TLE3: variants seen among roughly 807,000 people sequenced by gnomAD.
The protein encoded by TLE3 is TLE family member 3, transcriptional corepressor, also known as transducin-like enhancer protein 3.
In TLE3, 14 loss-of-function variants were observed where a neutral mutation model predicts 93.0. The ratio of observed to expected loss-of-function variants is 0.15; its 90% CI spans 0.10 to 0.24. The LOEUF is 0.24. Among genes scored for constraint, TLE3 ranks in the 10% least tolerant of loss-of-function variants. The pLI, the probability that TLE3 is intolerant of heterozygous loss-of-function variation, is 1.00. For missense variants in TLE3, 693 were observed against 1,046.6 expected (o/e 0.66, Z 4.66); for synonymous variants, 451 against 425.0 (o/e 1.06, Z -0.75).
chr15:70,082,911 T>C (rs2057855744), intron 4 of TLE3, among the ~76,000 whole-genome samples: 1 of 152,164 alleles, frequency 6.6e-6, no homozygotes. Flanking sequence ...TTCTGCACAC[T>C]TCCCTGAAAG....
intron 2 of TLE3, 51 bp from the exon 3 acceptor site, chr15:70,095,692 C>T: frequency 6.5e-7 from 1 of 1,545,756 alleles, no homozygotes; most frequent in Non-Finnish European, 8.7e-7. Flanking sequence ...ACAGCCTCCT[C>T]TGAGGCCCCG....
At chr15:70,076,654 T>A (rs1187267791) in intron 4 of TLE3, among the ~76,000 whole-genome samples, 1 of 152,152 alleles carries the variant, frequency 6.6e-6, no homozygotes, top group Non-Finnish European at 1.5e-5. Flanking sequence ...AGCCTCTCCC[T>A]CACCAAGATC....
chr15:70,095,451 C>A (rs879736605), intron 3 of TLE3, 127 bp downstream of exon 3: 3 of 1,541,666 alleles, frequency 1.9e-6, no homozygotes, highest in Non-Finnish European at 2.6e-6. Flanking sequence ...CAGATTATGC[C>A]CTCTCTCAGG....
At chr15:70,069,293 G>A (rs1013590084) in intron 6 of TLE3, among the ~76,000 whole-genome samples, 6 of 152,170 alleles carry the variant, frequency 3.9e-5, no homozygotes, top group African/African-American at 9.7e-5. Flanking sequence ...CCAATTAGAC[G>A]CAGCTAGAAC....
Position 70,054,612 on chromosome 15 carries a change from C to G in TLE3, c.1652G>C (p.Ser551Thr). 3 of 1,612,288 alleles carry G rather than the reference C, an allele frequency of 1.9e-6. No homozygotes were observed. Among genetic ancestry groups the G allele is most frequent in the Non-Finnish European group, 2.5e-6 (3 of 1,179,016 alleles). The change falls in exon 16 of 20, where the codon AGC becomes ACC. Residue 551 changes from serine (S) to threonine (T), a missense_variant. This residue lies in a region of TLE3 where 153 missense variants were observed against 379.9 expected (regional missense o/e 0.40). Transcript: ENST00000451782. Reference protein sequence around the residue: ...GRTLIVGGEASTLTIWDLASP... With the variant: ...GRTLIVGGEATTLTIWDLASP... ...GGCCAGGTCCCAGATGGTGAGCGTG[C>G]TGGCCTCGCCGCCCACGATGAGCGT...
At position 70,049,815 on chromosome 15, in the gene TLE3, A is replaced by G; in HGVS notation, c.*282T>C. ...ATGAGCGGGTCTGTGGGGGAACCGG[A>G]GCCATAAGCCTCCAATAAATCTATT... On this transcript the variant is annotated 3_prime_UTR_variant, in exon 20 of 20. Coordinates refer to ENST00000451782, the MANE Select transcript of TLE3 (RefSeq NM_001105192.3). 3.0e-6 allele frequency: 1 copy of G among 334,826 alleles called. No individual in the cohort carries two copies. The highest frequency in any genetic ancestry group is 4.1e-5 in the South Asian group (1 of 24,502). 20.7% of individuals were successfully genotyped at this position (334,826 alleles called of 1,614,324 possible).
At chr15:70,084,079 T>TC (rs1245235643) in intron 4 of TLE3, among the ~76,000 whole-genome samples, 1 of 152,180 alleles carries the variant, frequency 6.6e-6, no homozygotes, top group African/African-American at 2.4e-5. Context: ...CAAACTGACC[T>TC]CCTCCCAAGC....
intron 4 of TLE3, among the ~76,000 whole-genome samples, chr15:70,076,622 T>A (rs760758351): frequency 2.0e-4 from 31 of 152,216 alleles, no homozygotes; most frequent in Non-Finnish European, 3.8e-4. Context: ...CGGTCCTATG[T>A]GGCAAAGGGT....
At chr15:70,065,000 C>G (rs1322414295) in intron 7 of TLE3, among the ~76,000 whole-genome samples, 1 of 151,972 alleles carries the variant, frequency 6.6e-6, no homozygotes, top group Non-Finnish European at 1.5e-5. Context: ...CCCCTAAAAG[C>G]TGAAGCCTCT....
At position 70,096,812 on chromosome 15, in the gene TLE3, C is replaced by G. The variant is rs1447056978; in HGVS notation, c.-14G>C. ...CTGCGGATACATGGCAGGGAGGGGT[C>G]GTGATTCCGAGAGCGTGGAAGCGCC... is the stretch of plus-strand genomic sequence containing the variant. On this transcript the variant is annotated 5_prime_UTR_variant, in exon 1 of 20. Transcript: ENST00000451782. The G allele has an allele frequency of 6.2e-7, 1 of 1,606,224 alleles. No individual in the cohort carries two copies. Among genetic ancestry groups the G allele is most frequent in the Non-Finnish European group, 8.5e-7 (1 of 1,176,222 alleles).
chr15:70,061,935 G>C (rs2056503495), intron 8 of TLE3, among the ~76,000 whole-genome samples: 1 of 152,222 alleles, frequency 6.6e-6, no homozygotes, highest in African/African-American at 2.4e-5. Context: ...GCATCAGAAG[G>C]CAAGTGGAAT....
chr15:70,080,476 G>C (rs1013182660), intron 4 of TLE3, among the ~76,000 whole-genome samples: 7 of 152,144 alleles, frequency 4.6e-5, no homozygotes, highest in African/African-American at 1.4e-4. Context: ...CAGAGAAATG[G>C]GGACAGAGGT....
chr15:70,057,346 G>A (rs1043615653), intron 13 of TLE3, 113 bp downstream of exon 13: 19 of 1,243,604 alleles, frequency 1.5e-5, no homozygotes, highest in Non-Finnish European at 1.8e-5. Context: ...AGGGGCAGCT[G>A]CCTGGCCTTG....
chr15:70,074,915 G>A (rs1480499711), intron 5 of TLE3, among the ~76,000 whole-genome samples: 2 of 152,244 alleles, frequency 1.3e-5, no homozygotes, highest in African/African-American at 4.8e-5. Flanking sequence ...ATTTGCGTAT[G>A]AGCTGGATAT....
intron 4 of TLE3, among the ~76,000 whole-genome samples, chr15:70,076,635 C>T (rs1389174258): frequency 6.6e-6 from 1 of 152,132 alleles, no homozygotes; most frequent in African/African-American, 2.4e-5. Context: ...CAAAGGGTTC[C>T]CTGGGACTAG....
chr15:70,058,857 C>A lies in TLE3; in HGVS notation c.766-42G>T. The A allele has an allele frequency of 1.3e-6, 2 of 1,508,156 alleles. No homozygotes were observed. The highest frequency in any genetic ancestry group is 2.7e-5 in the South Asian group (2 of 74,874). The allele number at this position is 1,508,156 out of a possible 1,614,324, so 93.4% of individuals were successfully genotyped here. A position where few individuals can be genotyped will look rare whatever the true frequency, so the allele number is the denominator to read the frequency against. On this transcript the variant is annotated intron_variant, in intron 10 of 19. Coordinates refer to ENST00000451782, the MANE Select transcript of TLE3 (RefSeq NM_001105192.3). The surrounding 1 kb of genome is among the most constrained non-coding windows in gnomAD (Gnocchi z 4.1). ...TGCAGAGATGCACTGAAAGCAACAG[C>A]CAGCCTCGAGGCTTCCCTGCTCTGG...
intron 4 of TLE3, among the ~76,000 whole-genome samples, chr15:70,078,250 G>C (rs1343142284): frequency 6.6e-6 from 1 of 152,138 alleles, no homozygotes; most frequent in Non-Finnish European, 1.5e-5. Context: ...GGGGAATGAA[G>C]CAAAAAAGTC....
At chr15:70,087,203 T>C (rs2058075367) in intron 4 of TLE3, among the ~76,000 whole-genome samples, 1 of 152,120 alleles carries the variant, frequency 6.6e-6, no homozygotes, top group Admixed American at 6.5e-5. Flanking sequence ...AAATACAAAA[T>C]GGTCCTGTCC....
chr15:70,061,867 C>A (rs141440412), intron 8 of TLE3, among the ~76,000 whole-genome samples: 169 of 150,470 alleles, frequency 1.1e-3, no homozygotes, highest in African/African-American at 4.1e-3. Flanking sequence ...GTCCCAGTCC[C>A]CATGCAACAC....
Sources: allele counts gnomAD v4.1 joint callset (sites outside exome capture counted in the v4.1 genomes callset), GRCh38; gene constraint gnomAD v4.1.1; regional missense constraint gnomAD v4.1.1; non-coding constraint Gnocchi (gnomAD v3.1); transcripts MANE v1.5; gene names NCBI Gene and HGNC (gene_info 2026-07-23, HGNC 2026-07-21).